Variants in RNF220 observed in about 807,000 individuals in gnomAD.
RNF220 encodes ring finger protein 220, also known as E3 ubiquitin-protein ligase RNF220.
RNF220 carries 7 observed loss-of-function variants against 67.1 expected under a neutral mutation model. The ratio of observed to expected loss-of-function variants is 0.10; its 90% confidence interval spans 0.06 to 0.20. The LOEUF (loss-of-function observed/expected upper bound fraction) is 0.20. Among genes scored for constraint, RNF220 ranks in the 10% least tolerant of loss-of-function variants. The probability of loss-of-function intolerance (pLI) is 1.00; values close to 1 mark genes in which losing one functional copy is unlikely to be tolerated. For synonymous variants in RNF220, 270 were observed against 283.2 expected, an observed-to-expected ratio of 0.95 and a Z score of 0.47; for missense variants, 565 against 740.3, an observed-to-expected ratio of 0.76 and a Z score of 2.75.
intron 1 of RNF220, chr1:44,408,574 C>T (rs955014987): frequency 4.6e-5 from 7 of 152,174 alleles, no homozygotes; most frequent in African/African-American, 1.7e-4. Flanking sequence ...TCCCATTGTT[C>T]TTTGCTTTTT....
chr1:44,424,954 C>T (rs1649607552), intron 2 of RNF220, among the ~76,000 whole-genome samples: 1 of 152,244 alleles, frequency 6.6e-6, no homozygotes, highest in East Asian at 1.9e-4. Flanking sequence ...TATGCTTTGC[C>T]AGCCTCCTCT....
intron 2 of RNF220, among the ~76,000 whole-genome samples, chr1:44,474,446 C>T (rs1655112711): frequency 6.7e-6 from 1 of 149,344 alleles, no homozygotes; most frequent in African/African-American, 2.5e-5. Context: ...GTATGGCTCA[C>T]ACCTGTAATC....
intron 2 of RNF220, among the ~76,000 whole-genome samples, chr1:44,602,214 G>C (rs747802613): frequency 5.9e-5 from 9 of 152,188 alleles, no homozygotes; most frequent in Admixed American, 6.5e-5. Context: ...AGAGAGGCAA[G>C]TGTGAAAGTC....
At chr1:44,418,083 C>T (rs1383905170) in intron 2 of RNF220, among the ~76,000 whole-genome samples, 6 of 152,160 alleles carry the variant, frequency 3.9e-5, no homozygotes, top group Non-Finnish European at 7.3e-5. Flanking sequence ...TCCTCTACGC[C>T]GTCTGAGCAG....
At chr1:44,515,264 G>A (rs1330273098) in intron 2 of RNF220, among the ~76,000 whole-genome samples, 2 of 152,194 alleles carry the variant, frequency 1.3e-5, no homozygotes, top group African/African-American at 4.8e-5. Context: ...GAGAAGGGTA[G>A]CAGGGTATAG....
intron 12 of RNF220, among the ~76,000 whole-genome samples, chr1:44,646,941 C>T (rs1286020878): frequency 6.6e-6 from 1 of 152,208 alleles, no homozygotes; most frequent in African/African-American, 2.4e-5. Flanking sequence ...GGAATCTCCC[C>T]ACCCCATGCC....
intron 2 of RNF220, among the ~76,000 whole-genome samples, chr1:44,536,539 C>T (rs1411555614): frequency 2.0e-5 from 3 of 152,192 alleles, no homozygotes; most frequent in African/African-American, 7.2e-5. Context: ...GGAACATGGG[C>T]CTGCAGCCTT....
intron 2 of RNF220, among the ~76,000 whole-genome samples, chr1:44,572,025 G>C (rs1664479394): frequency 6.6e-6 from 1 of 152,180 alleles, no homozygotes; most frequent in Non-Finnish European, 1.5e-5. Context: ...TCTCACCCCA[G>C]TGACTGGGAC....
intron 2 of RNF220, among the ~76,000 whole-genome samples, chr1:44,477,275 G>A (rs1231769131): frequency 6.6e-6 from 1 of 152,206 alleles, no homozygotes; most frequent in East Asian, 1.9e-4. Context: ...CCCTTCCCTT[G>A]TAAGGCTTAT....
intron 2 of RNF220, among the ~76,000 whole-genome samples, chr1:44,519,635 G>A (rs903493644): frequency 7.2e-5 from 11 of 152,158 alleles, no homozygotes; most frequent in Non-Finnish European, 1.6e-4. Context: ...ATCCAGTGTC[G>A]AGCTCAAGGT....
chr1:44,608,440 G>A (rs1207600959), intron 2 of RNF220, among the ~76,000 whole-genome samples: 3 of 152,130 alleles, frequency 2.0e-5, no homozygotes, highest in Non-Finnish European at 2.9e-5. Flanking sequence ...AGGTAGTTGG[G>A]TATTGTTCAG....
At chr1:44,523,782 G>C (rs1461807095) in intron 2 of RNF220, among the ~76,000 whole-genome samples, 1 of 152,154 alleles carries the variant, frequency 6.6e-6, no homozygotes, top group Middle Eastern at 3.2e-3. Flanking sequence ...AGGATCCATT[G>C]GTCATTTCTG....
At chr1:44,472,489 T>C (rs1261319323) in intron 2 of RNF220, among the ~76,000 whole-genome samples, 1 of 152,242 alleles carries the variant, frequency 6.6e-6, no homozygotes, top group East Asian at 1.9e-4. Flanking sequence ...CCCTAGTGAC[T>C]AATGATACTG....
intron 4 of RNF220, among the ~76,000 whole-genome samples, chr1:44,623,457 C>G (rs1643868266): frequency 6.6e-6 from 1 of 152,258 alleles, no homozygotes. Flanking sequence ...GCCATGGACA[C>G]AGTGGGTACT....
At chr1:44,509,418 T>C (rs1245039992) in intron 2 of RNF220, among the ~76,000 whole-genome samples, 1 of 151,516 alleles carries the variant, frequency 6.6e-6, no homozygotes, top group Non-Finnish European at 1.5e-5. Flanking sequence ...GGCGTGGTGG[T>C]GGGCGCCTGT....
chr1:44,640,596 C>T (rs927800232), intron 8 of RNF220, among the ~76,000 whole-genome samples: 7 of 152,332 alleles, frequency 4.6e-5, no homozygotes, highest in African/African-American at 1.4e-4. Flanking sequence ...CAGTGAAACG[C>T]GTTATCGAGG....
intron 2 of RNF220, among the ~76,000 whole-genome samples, chr1:44,422,024 A>C (rs888624526): frequency 2.0e-5 from 3 of 152,220 alleles, no homozygotes; most frequent in Non-Finnish European, 4.4e-5. Context: ...CTTTGGAAGT[A>C]AAGTGTCACT....
At chr1:44,547,140 C>T (rs1462708303) in intron 2 of RNF220, among the ~76,000 whole-genome samples, 1 of 152,198 alleles carries the variant, frequency 6.6e-6, no homozygotes, top group Non-Finnish European at 1.5e-5. Flanking sequence ...GCCAACAGCC[C>T]TGTGAGACAG....
At chr1:44,474,701 C>A (rs1053024344) in intron 2 of RNF220, among the ~76,000 whole-genome samples, 2 of 151,362 alleles carry the variant, frequency 1.3e-5, no homozygotes, top group Non-Finnish European at 2.9e-5. Context: ...AAGGCGAGAC[C>A]CTGTCTCCGA....
Sources: gnomAD v4.1 joint callset for allele counts (sites outside exome capture counted in the v4.1 genomes callset) on GRCh38, gnomAD v4.1.1 for gene constraint, MANE v1.5 for transcripts, NCBI Gene and HGNC (gene_info 2026-07-23, HGNC 2026-07-21) for gene names.